The following MYPN variants were observed in gnomAD, a reference collection of about 807,000 sequenced individuals.
The protein encoded by MYPN is sarcomeric protein myopalladin, 145 kDa (MYOP).
A neutral mutation model predicts 129.4 loss-of-function variants in MYPN; 63 were observed. The ratio of observed to expected loss-of-function variants is 0.49; its 90% confidence interval spans 0.40 to 0.60. The LOEUF is 0.60. MYPN is among the 20% of genes least tolerant of loss of function. The pLI, the probability that MYPN is intolerant of heterozygous loss-of-function variation, is 0.00. For missense variants in MYPN, 1,596 were observed against 1,635.4 expected, an observed-to-expected ratio of 0.98 and a Z score of 0.42; for synonymous variants, 629 against 600.9, an observed-to-expected ratio of 1.05 and a Z score of -0.68.
intron 1 of MYPN, among the ~76,000 whole-genome samples, chr10:68,118,932 T>TA (rs1384341136): frequency 7.8e-6 from 1 of 128,796 alleles, no homozygotes; most frequent in Admixed American, 8.0e-5. Flanking sequence ...GAAGGAAATT[T>TA]AAAAAACCAC....
intron 1 of MYPN, among the ~76,000 whole-genome samples, chr10:68,099,386 C>G (rs1367053588): frequency 6.6e-6 from 1 of 152,118 alleles, no homozygotes; most frequent in Middle Eastern, 3.4e-3. Context: ...CATGTAATAA[C>G]AAATATGTGA....
chr10:68,154,252 C>T (rs7081820), intron 6 of MYPN, among the ~76,000 whole-genome samples: 60,600 of 152,028 alleles, frequency 0.4, 14,178 homozygotes, highest in Non-Finnish European at 0.53. Context: ...GAAGGGAGGT[C>T]GATGATCAAA....
chr10:68,130,322 T>A (rs899413207), intron 2 of MYPN, among the ~76,000 whole-genome samples: 1 of 152,082 alleles, frequency 6.6e-6, no homozygotes. Flanking sequence ...TAGCCAGGCG[T>A]GGTGGCGGGC....
intron 6 of MYPN, among the ~76,000 whole-genome samples, chr10:68,153,553 G>T (rs185594928): frequency 1.3e-5 from 2 of 152,126 alleles, no homozygotes; most frequent in Non-Finnish European, 2.9e-5. Flanking sequence ...TCTCAGCCTC[G>T]TCAGGATATG....
intron 12 of MYPN, among the ~76,000 whole-genome samples, chr10:68,182,467 T>TACACAC (rs1218846362): frequency 3.5e-5 from 4 of 112,742 alleles, no homozygotes; most frequent in African/African-American, 1.5e-4. Flanking sequence ...ATATATAACA[T>TACACAC]ATATACACAC....
intron 10 of MYPN, among the ~76,000 whole-genome samples, chr10:68,167,063 G>A (rs1256409829): frequency 1.3e-5 from 2 of 152,020 alleles, no homozygotes; most frequent in Non-Finnish European, 2.9e-5. Flanking sequence ...GAACCAAAAA[G>A]GGGAATTCCC....
intron 2 of MYPN, among the ~76,000 whole-genome samples, chr10:68,140,186 C>G (rs1354842270): frequency 6.6e-6 from 1 of 152,034 alleles, no homozygotes; most frequent in Non-Finnish European, 1.5e-5. Flanking sequence ...TTCACAGAAT[C>G]AAAAGACCAA....
At chr10:68,206,654 A>G in intron 18 of MYPN, 116 bp from the exon 19 acceptor site, 1 of 1,407,700 alleles carries the variant, frequency 7.1e-7, no homozygotes, top group Admixed American at 1.7e-5. Flanking sequence ...TCCACCTTCA[A>G]ATTTGTCTTG....
At chr10:68,106,787 G>A, upstream of MYPN, 1 of 717,286 alleles carries the variant, frequency 1.4e-6, no homozygotes, top group Admixed American at 2.0e-5. Flanking sequence ...TGGCATTCCT[G>A]TGGATCATCC....
chr10:68,107,630 C>T (rs2042029230), upstream of MYPN, among the ~76,000 whole-genome samples: 1 of 151,926 alleles, frequency 6.6e-6, no homozygotes, highest in South Asian at 2.1e-4. Context: ...GGATTACAGG[C>T]GTGATCCCCC....
chr10:68,148,275 C>A, intron 4 of MYPN, 78 bp from the exon 5 acceptor site: 1 of 1,137,006 alleles, frequency 8.8e-7, no homozygotes, highest in South Asian at 1.3e-5. Flanking sequence ...GCAGTGATGC[C>A]ATTACTAGTT....
At chr10:68,154,726 T>C (rs2042838184) in intron 6 of MYPN, among the ~76,000 whole-genome samples, 1 of 152,230 alleles carries the variant, frequency 6.6e-6, no homozygotes, top group Admixed American at 6.5e-5. Context: ...AGCTGACATC[T>C]TTTAACCAAT....
chr10:68,209,541 G>A (rs2043871062), intron 19 of MYPN, among the ~76,000 whole-genome samples: 1 of 151,974 alleles, frequency 6.6e-6, no homozygotes, highest in Admixed American at 6.5e-5. Flanking sequence ...TATCTTTTGA[G>A]GTACCCTCTT....
At chr10:68,156,224 G>A (rs1222217706) in intron 6 of MYPN, among the ~76,000 whole-genome samples, 1 of 152,052 alleles carries the variant, frequency 6.6e-6, no homozygotes, top group Non-Finnish European at 1.5e-5. Context: ...CCTCAAGAAG[G>A]AATGAAAACT....
chr10:68,211,955 G>A lies in MYPN; in HGVS notation c.*1500G>A. ...AGACAGTAACTGCTTAGAAAGGCTTGAAACTGTCTTCACTTCAAGGCAAGG... is the reference window on the plus strand; with the variant it reads ...AGACAGTAACTGCTTAGAAAGGCTTAAAACTGTCTTCACTTCAAGGCAAGG... On this transcript the variant is annotated 3_prime_UTR_variant, in exon 20 of 20. Transcript: ENST00000358913. 1 of 369,198 alleles carries A rather than the reference G, an allele frequency of 2.7e-6. No homozygotes were observed. The highest frequency in any genetic ancestry group is 5.3e-6 in the Non-Finnish European group (1 of 187,670). 22.9% of individuals were successfully genotyped at this position (369,198 alleles called of 1,614,324 possible). A position where few individuals can be genotyped will look rare whatever the true frequency, so the allele number is the denominator to read the frequency against.
upstream of MYPN, chr10:68,106,944 C>T (rs776725266): frequency 5.3e-5 from 33 of 622,104 alleles, no homozygotes; most frequent in Non-Finnish European, 8.3e-5. Context: ...ATGTAACCAA[C>T]CTTGTGTTTG....
chr10:68,103,002 G>A (rs1411820429), upstream of MYPN, among the ~76,000 whole-genome samples: 5 of 152,190 alleles, frequency 3.3e-5, no homozygotes, highest in African/African-American at 1.2e-4. Context: ...ATTGAACCAT[G>A]AATCTTTGTT....
At chr10:68,186,134 C>T (rs531324119) in intron 12 of MYPN, among the ~76,000 whole-genome samples, 1 of 152,288 alleles carries the variant, frequency 6.6e-6, no homozygotes, top group Admixed American at 6.5e-5. Flanking sequence ...CAATCTTTTA[C>T]TTTAACTGAT....
intron 1 of MYPN, among the ~76,000 whole-genome samples, chr10:68,116,258 A>G (rs1176813863): frequency 6.7e-6 from 1 of 148,408 alleles, no homozygotes; most frequent in Non-Finnish European, 1.5e-5. Flanking sequence ...AATGCTTAAA[A>G]TAGAAAGTTT....
Sources: gnomAD v4.1 joint callset for allele counts (sites outside exome capture counted in the v4.1 genomes callset) on GRCh38, gnomAD v4.1.1 for gene constraint, MANE v1.5 for transcripts, NCBI Gene and HGNC (gene_info 2026-07-23, HGNC 2026-07-21) for gene names.